Variants in CMKLR1 observed in about 807,000 individuals in gnomAD.
CMKLR1 encodes the protein chemerin chemokine-like receptor 1.
CMKLR1 carries 6 observed loss-of-function variants against 8.2 expected under a neutral mutation model. That is an observed-to-expected ratio of 0.73 (90% confidence interval 0.40 to 1.44). The LOEUF (loss-of-function observed/expected upper bound fraction) is 1.44, where lower values mean the gene tolerates loss of function less well. CMKLR1 is among the 40% of genes most tolerant of loss of function. CMKLR1 has a pLI of 0.02. For missense variants in CMKLR1, 429 were observed against 478.0 expected, an observed-to-expected ratio of 0.90 and a Z score of 0.96; for synonymous variants, 178 against 181.2, an observed-to-expected ratio of 0.98 and a Z score of 0.14.
intron 2 of CMKLR1, among the ~76,000 whole-genome samples, chr12:108,321,645 G>T (rs1891864513): frequency 6.6e-6 from 1 of 152,112 alleles, no homozygotes; most frequent in Non-Finnish European, 1.5e-5. Flanking sequence ...CCCAATCTGA[G>T]ACAGGGATCC....
chr12:108,298,682 G>A (rs2137299764), intron 2 of CMKLR1, among the ~76,000 whole-genome samples: 1 of 152,278 alleles, frequency 6.6e-6, no homozygotes, highest in Admixed American at 6.5e-5. Flanking sequence ...ATTCATCACA[G>A]CCCATAGAGG....
At chr12:108,314,339 C>A (rs1891663388) in intron 2 of CMKLR1, among the ~76,000 whole-genome samples, 1 of 152,172 alleles carries the variant, frequency 6.6e-6, no homozygotes, top group Non-Finnish European at 1.5e-5. Flanking sequence ...TCACATGCTC[C>A]TTGCTAAAAA....
At chr12:108,323,067 C>T (rs951968902) in intron 2 of CMKLR1, among the ~76,000 whole-genome samples, 1 of 152,158 alleles carries the variant, frequency 6.6e-6, no homozygotes, top group African/African-American at 2.4e-5. Context: ...CCCAAGAGAC[C>T]AGCTTAGTTC....
intron 2 of CMKLR1, among the ~76,000 whole-genome samples, chr12:108,300,911 C>T (rs961551840): frequency 2.0e-5 from 3 of 152,046 alleles, no homozygotes; most frequent in African/African-American, 7.2e-5. Context: ...CCTACAGGGT[C>T]GGGACACAAT....
intron 2 of CMKLR1, among the ~76,000 whole-genome samples, chr12:108,329,051 C>T (rs891969595): frequency 6.6e-6 from 1 of 152,206 alleles, no homozygotes; most frequent in Non-Finnish European, 1.5e-5. Context: ...GGGCCAGACA[C>T]CCCATGAGAT....
In CMKLR1 at chr12:108,291,433, T is replaced by C. The variant is rs1890960536; in HGVS notation, c.*408A>G. The C allele has an allele frequency of 5.4e-6, 1 of 185,932 alleles. No individual in the cohort carries two copies. Among genetic ancestry groups the C allele is most frequent in the Non-Finnish European group, 1.1e-5 (1 of 88,948 alleles). 11.5% of individuals were successfully genotyped at this position (185,932 alleles called of 1,614,324 possible). On this transcript the variant is annotated 3_prime_UTR_variant, in exon 4 of 4. Transcript: ENST00000550402. ...ATACAAGGGCCAAGTGTGATCTGCA[T>C]CACACTGGGTTTGCTCTGACCCCCT... is the stretch of plus-strand genomic sequence containing the variant.
chr12:108,310,235 A>G (rs1334431920), intron 2 of CMKLR1, among the ~76,000 whole-genome samples: 1 of 150,956 alleles, frequency 6.6e-6, no homozygotes, highest in African/African-American at 2.4e-5. Flanking sequence ...TGGCTAAGGA[A>G]AGAAGAGGGT....
At chr12:108,332,059 A>G (rs1016901414) in intron 1 of CMKLR1, among the ~76,000 whole-genome samples, 2 of 152,190 alleles carry the variant, frequency 1.3e-5, no homozygotes, top group Non-Finnish European at 2.9e-5. Context: ...TGTTCAAACC[A>G]ATTCAGGTAA....
At chr12:108,325,715 C>T (rs10861892) in intron 2 of CMKLR1, among the ~76,000 whole-genome samples, 2,553 of 152,226 alleles carry the variant, frequency 0.017, 62 homozygotes, top group South Asian at 0.053. Flanking sequence ...GCCAAGCCAC[C>T]GAATTCCAGA....
intron 1 of CMKLR1, among the ~76,000 whole-genome samples, chr12:108,337,610 C>T (rs980784503): frequency 2.6e-5 from 4 of 152,106 alleles, no homozygotes; most frequent in Non-Finnish European, 4.4e-5. Context: ...CAAGCCCTGA[C>T]CCAGTGCGGG....
Position 108,292,511 on chromosome 12 carries a change from C to T in CMKLR1, c.452G>A (p.Arg151His), listed in dbSNP as rs771883601. The T allele has an allele frequency of 3.5e-5, 57 of 1,614,024 alleles. No homozygotes were observed. The highest frequency in any genetic ancestry group is 1.6e-4 in the Middle Eastern group (1 of 6,084). Residue 151 changes from arginine (R) to histidine (H), a missense_variant, in exon 4 of 4, where the codon CGC (arginine) becomes CAC (histidine). Arg to His is a conservative substitution (Grantham distance 29). Transcript: ENST00000550402. ...VLLPVWSQNH[R>H]SVRLAYMACM... ...GGCCATGTAAGCCAGGCGAACGCTG[C>T]GGTGGTTCTGGGACCAGACAGGGAG...
chr12:108,293,728 A>G, intron 2 of CMKLR1, 64 bp from the exon 3 acceptor site: 1 of 848,176 alleles, frequency 1.2e-6, no homozygotes, highest in Non-Finnish European at 1.8e-6. Context: ...CAGAGGGTTG[A>G]GTGGACCCAG....
intron 2 of CMKLR1, among the ~76,000 whole-genome samples, chr12:108,328,813 A>T (rs1288372474): frequency 6.6e-6 from 1 of 152,222 alleles, no homozygotes; most frequent in Non-Finnish European, 1.5e-5. Flanking sequence ...CTGGTGGCCA[A>T]GTCTGCCTCT....
Position 108,312,487 on chromosome 12 carries a change from G to A in CMKLR1, c.-74+17508C>T, listed in dbSNP as rs79581233. ...CTATGGGGTGAGAGGAACCAAAACT[G>A]AGAGTCTGGGGCTCATGGAATCCAC... On this transcript the variant is annotated intron_variant, in intron 2 of 3. Transcript: ENST00000550402. Among the ~76,000 whole-genome samples the A allele has an allele frequency of 9.2e-3, 1,406 of 152,298 alleles. 19 individuals carry two copies. The highest frequency in any genetic ancestry group is 0.032 in the African/African-American group (1,335 of 41,546).
In CMKLR1 at chr12:108,288,416, A is replaced by G. The variant is rs1263372587; in HGVS notation, c.*3425T>C. ...GGCAAGATGAGTTTGAAGGTCCCTT[A>G]TGGTTTTCACGATTGGATTCTATCT... On this transcript the variant is annotated 3_prime_UTR_variant, in exon 4 of 4. Transcript: ENST00000550402. The G allele has an allele frequency of 2.0e-5, 3 of 152,200 alleles. No homozygotes were observed. Among genetic ancestry groups the G allele is most frequent in the African/African-American group, 7.2e-5 (3 of 41,426 alleles). 9.4% of individuals were successfully genotyped at this position (152,200 alleles called of 1,614,324 possible).
chr12:108,335,746 G>C (rs1006894157), intron 1 of CMKLR1, among the ~76,000 whole-genome samples: 2 of 152,192 alleles, frequency 1.3e-5, no homozygotes, highest in Non-Finnish European at 1.5e-5. Context: ...AAGATTCTTA[G>C]AGGCCCTTCA....
intron 2 of CMKLR1, among the ~76,000 whole-genome samples, chr12:108,294,469 A>G (rs1891076949): frequency 6.6e-6 from 1 of 152,226 alleles, no homozygotes; most frequent in Admixed American, 6.5e-5. Flanking sequence ...GATCACATGC[A>G]GGGTTCATAC....
intron 2 of CMKLR1, among the ~76,000 whole-genome samples, chr12:108,308,153 CTG>C (rs1425304478): frequency 6.6e-6 from 1 of 152,148 alleles, no homozygotes; most frequent in East Asian, 1.9e-4. Context: ...CACTTCCTGG[CTG>C]TGTGACCTCA....
chr12:108,297,705 A>T (rs892048132), intron 2 of CMKLR1, among the ~76,000 whole-genome samples: 5 of 152,168 alleles, frequency 3.3e-5, no homozygotes, highest in African/African-American at 1.2e-4. Flanking sequence ...CCAAGTGAAA[A>T]GGCTGTTGGG....
Sources: gnomAD v4.1 joint callset for allele counts (sites outside exome capture counted in the v4.1 genomes callset) on GRCh38, gnomAD v4.1.1 for gene constraint, MANE v1.5 for transcripts, NCBI Gene and HGNC (gene_info 2026-07-23, HGNC 2026-07-21) for gene names.